Variants in MEI1 observed in about 807,000 individuals in gnomAD.
MEI1 encodes meiotic double-stranded break formation protein 1.
A neutral mutation model predicts 146.2 loss-of-function variants in MEI1; 103 were observed. The ratio of observed to expected loss-of-function variants is 0.70; its 90% CI spans 0.60 to 0.83. The LOEUF (loss-of-function observed/expected upper bound fraction) is 0.83. MEI1 is among the 40% of genes least tolerant of loss of function. MEI1 has a pLI of 0.00. For missense variants in MEI1, 1,529 were observed against 1,533.0 expected, an observed-to-expected ratio of 1.00 and a Z score of 0.04; for synonymous variants, 652 against 628.2, an observed-to-expected ratio of 1.04 and a Z score of -0.57.
intron 9 of MEI1, 138 bp downstream of exon 9, chr22:41,730,775 A>C: frequency 1.7e-6 from 1 of 600,652 alleles, no homozygotes. Context: ...GCCCAAACTC[A>C]TTACCAGATT....
chr22:41,779,056 T>A (rs932705354), intron 22 of MEI1, among the ~76,000 whole-genome samples: 2 of 151,762 alleles, frequency 1.3e-5, no homozygotes, highest in Admixed American at 6.6e-5. Context: ...GCCAGGGGGG[T>A]GCTCATGCCT....
chr22:41,726,727 G>T (rs1270449051), intron 7 of MEI1, among the ~76,000 whole-genome samples: 1 of 150,516 alleles, frequency 6.6e-6, no homozygotes, highest in Non-Finnish European at 1.5e-5. Context: ...AGCATCTTAA[G>T]ATACAATATG....
At chr22:41,713,104 C>T (rs758522994) in intron 3 of MEI1, among the ~76,000 whole-genome samples, 3 of 151,978 alleles carry the variant, frequency 2.0e-5, no homozygotes, top group Non-Finnish European at 2.9e-5. Context: ...CCACCGCGCC[C>T]GGCTGGGCAT....
chr22:41,794,499 T>C (rs950191656), intron 28 of MEI1, 22 bp downstream of exon 28: 1 of 1,600,338 alleles, frequency 6.2e-7, no homozygotes, highest in African/African-American at 1.3e-5. Context: ...AAGGATATCT[T>C]GTGGTCTGAG....
intron 14 of MEI1, among the ~76,000 whole-genome samples, chr22:41,746,424 T>C (rs2073292835): frequency 2.0e-5 from 3 of 152,210 alleles, no homozygotes; most frequent in Admixed American, 6.5e-5. Flanking sequence ...ATTGAACCTA[T>C]GACTTCAGGT....
chr22:41,721,681 C>T (rs984280604), intron 6 of MEI1, among the ~76,000 whole-genome samples: 1 of 151,618 alleles, frequency 6.6e-6, no homozygotes, highest in Non-Finnish European at 1.5e-5. Flanking sequence ...GCATGAACCA[C>T]CACACCCAGC....
chr22:41,738,845 A>G (rs1378138445), intron 11 of MEI1, among the ~76,000 whole-genome samples: 4 of 150,696 alleles, frequency 2.7e-5, no homozygotes, highest in East Asian at 2.0e-4. Flanking sequence ...GCATGCACCT[A>G]TGGTCCCAAC....
chr22:41,712,577 G>T (rs939598662), intron 3 of MEI1, among the ~76,000 whole-genome samples: 2 of 151,474 alleles, frequency 1.3e-5, no homozygotes, highest in African/African-American at 4.9e-5. Flanking sequence ...GACTTACCTG[G>T]AGAACTTTAG....
In MEI1 at chr22:41,784,850, G is replaced by C. The variant is rs115198929; in HGVS notation, c.3345+67G>C. 1.5e-3 allele frequency: 2,015 copies of C among 1,373,656 alleles called. 29 individuals carry two copies. The African/African-American group carries it at 0.028, about 19-fold the overall frequency. The allele number at this position is 1,373,656 out of a possible 1,614,324, so 85.1% of individuals were successfully genotyped here. A position where few individuals can be genotyped will look rare whatever the true frequency, so the allele number is the denominator to read the frequency against. On this transcript the variant is annotated intron_variant, in intron 26 of 30. Coordinates refer to ENST00000401548, the MANE Select transcript of MEI1 (RefSeq NM_152513.4). ...CAGCAGGAAGGGGTGGCTGCCTGTC[G>C]AGAGCCTGATACTCCTACCAGGGCT...
chr22:41,708,842 G>A (rs536117598), intron 3 of MEI1, among the ~76,000 whole-genome samples: 1 of 152,196 alleles, frequency 6.6e-6, no homozygotes, highest in Non-Finnish European at 1.5e-5. Flanking sequence ...CCCAACAGAT[G>A]TCTGGGTCTT....
intron 24 of MEI1, among the ~76,000 whole-genome samples, chr22:41,783,272 G>A (rs956113480): frequency 1.0e-4 from 15 of 149,320 alleles, no homozygotes; most frequent in African/African-American, 5.0e-5. Context: ...CCTCACCCCC[G>A]ACACACATAC....
In MEI1 at chr22:41,742,975, C is replaced by A. The variant is rs150091774; in HGVS notation, c.1332-105C>A. ...TAAGGATTTTTATCAGATTAGATTC[C>A]ATGTTCTGATCCAACTGCACTGCCT... is the stretch of plus-strand genomic sequence containing the variant. On this transcript the variant is annotated intron_variant, in intron 11 of 30. Transcript: ENST00000401548. The A allele has an allele frequency of 1.9e-5, 14 of 745,420 alleles. No homozygotes were observed. The African/African-American group carries it at 2.1e-4, about 11-fold the overall frequency. 46.2% of individuals were successfully genotyped at this position (745,420 alleles called of 1,614,324 possible).
At chr22:41,774,494 T>G (rs980562353) in intron 20 of MEI1, 6 of 152,162 alleles carry the variant, frequency 3.9e-5, no homozygotes, top group African/African-American at 1.4e-4. Context: ...CTCTGTAAAG[T>G]AAAGGTATTG....
At chr22:41,735,743 C>A (rs958803997) in intron 11 of MEI1, among the ~76,000 whole-genome samples, 12 of 152,104 alleles carry the variant, frequency 7.9e-5, no homozygotes, top group Admixed American at 7.9e-4. Context: ...GTAACTGTAT[C>A]TGTTGACTCC....
chr22:41,716,136 AATGGAGC>A lies in MEI1; in HGVS notation c.524_529+1del. On this transcript the variant is annotated frameshift_variant, in exon 5 of 31. Transcript: ENST00000401548. LOFTEE classifies it high-confidence loss of function. ...TCCCTGCTCTGGCAGACGAGCTTGTAATGGAGCATGGTGAGTGACCTGTGGGAGGAGC... is the reference window on the plus strand; with the variant it reads ...TCCCTGCTCTGGCAGACGAGCTTGTAATGGTGAGTGACCTGTGGGAGGAGC... 2.5e-6 allele frequency: 4 copies of A among 1,606,808 alleles called. No individual in the cohort carries two copies. The highest frequency in any genetic ancestry group is 3.4e-6 in the Non-Finnish European group (4 of 1,176,464).
At chr22:41,700,445 C>T (rs2068615192) in intron 1 of MEI1, among the ~76,000 whole-genome samples, 2 of 152,220 alleles carry the variant, frequency 1.3e-5, no homozygotes, top group Admixed American at 1.3e-4. Context: ...ATTCTCCTGC[C>T]TCAACCTACC....
intron 14 of MEI1, among the ~76,000 whole-genome samples, chr22:41,747,665 C>T (rs2073409527): frequency 6.6e-6 from 1 of 151,956 alleles, no homozygotes; most frequent in African/African-American, 2.4e-5. Context: ...GATCGCACCA[C>T]TGATCGCCAG....
chr22:41,728,870 C>A (rs7291736), intron 7 of MEI1, among the ~76,000 whole-genome samples: 123,786 of 149,556 alleles, frequency 0.83, 52,045 homozygotes, highest in African/African-American at 0.95. Flanking sequence ...CAAAAAAAAA[C>A]AAAATAGTAA....
At chr22:41,767,691 T>G in intron 19 of MEI1, 1 of 440,386 alleles carries the variant, frequency 2.3e-6, no homozygotes, top group Admixed American at 2.4e-5. Context: ...ATTGACCACT[T>G]GACATGAGCT....
Sources: gnomAD v4.1 joint callset for allele counts (sites outside exome capture counted in the v4.1 genomes callset) on GRCh38, gnomAD v4.1.1 for gene constraint, MANE v1.5 for transcripts, NCBI Gene and HGNC (gene_info 2026-07-23, HGNC 2026-07-21) for gene names.